The following DOK6 variants were observed in gnomAD, a reference collection of about 807,000 sequenced individuals.
DOK6 encodes downstream of tyrosine kinase 6.
In DOK6, 22 loss-of-function variants were observed where a neutral mutation model predicts 44.0. The ratio of observed to expected loss-of-function variants is 0.50; its 90% CI spans 0.36 to 0.71. DOK6 has a LOEUF of 0.71. DOK6 is among the 30% of genes least tolerant of loss of function. The pLI is 0.00. For missense variants in DOK6, 340 were observed against 416.4 expected (o/e 0.82, Z 1.60); for synonymous variants, 166 against 145.5 (o/e 1.14, Z -1.01).
intron 7 of DOK6, among the ~76,000 whole-genome samples, chr18:69,818,385 AT>A (rs1242780382): frequency 2.0e-5 from 3 of 152,180 alleles, no homozygotes; most frequent in Non-Finnish European, 4.4e-5. Flanking sequence ...TGGAAGATAA[AT>A]ATTAAGAGGC....
chr18:69,815,014 C>T (rs1373514083), intron 7 of DOK6, among the ~76,000 whole-genome samples: 1 of 152,098 alleles, frequency 6.6e-6, no homozygotes, highest in Admixed American at 6.6e-5. Context: ...GTGATCAAAC[C>T]TGACACCCAT....
At chr18:69,753,408 G>A (rs1038256135) in intron 6 of DOK6, among the ~76,000 whole-genome samples, 9 of 152,070 alleles carry the variant, frequency 5.9e-5, no homozygotes, top group Non-Finnish European at 1.3e-4. Flanking sequence ...CAGCACTTAG[G>A]GGCTAAATTA....
At chr18:69,673,040 A>G (rs1985842278) in intron 3 of DOK6, among the ~76,000 whole-genome samples, 1 of 152,196 alleles carries the variant, frequency 6.6e-6, no homozygotes, top group African/African-American at 2.4e-5. Flanking sequence ...AAGACAAAAC[A>G]GGATTATTTT....
At chr18:69,707,984 C>T (rs1294129390) in intron 5 of DOK6, among the ~76,000 whole-genome samples, 1 of 152,164 alleles carries the variant, frequency 6.6e-6, no homozygotes, top group Non-Finnish European at 1.5e-5. Flanking sequence ...CCACGACGCA[C>T]AGCACAGGCA....
intron 7 of DOK6, among the ~76,000 whole-genome samples, chr18:69,764,791 C>T (rs1472259032): frequency 6.6e-6 from 1 of 152,094 alleles, no homozygotes; most frequent in Non-Finnish European, 1.5e-5. Context: ...TGAACAACTA[C>T]ACTCTTTGAA....
chr18:69,666,392 A>G (rs1007050848), intron 3 of DOK6, among the ~76,000 whole-genome samples: 1 of 152,138 alleles, frequency 6.6e-6, no homozygotes, highest in Admixed American at 6.5e-5. Context: ...ACAGTGACAC[A>G]TAGCATCACC....
intron 7 of DOK6, among the ~76,000 whole-genome samples, chr18:69,786,777 TTTGCAGACATTTTG>T (rs1306289283): frequency 6.6e-6 from 1 of 152,220 alleles, no homozygotes; most frequent in Non-Finnish European, 1.5e-5. Context: ...ACTTTGACAT[TTTGCAGACATTTTG>T]TTATATAAAA....
At chr18:69,668,589 C>T (rs545908597) in intron 3 of DOK6, among the ~76,000 whole-genome samples, 5 of 152,066 alleles carry the variant, frequency 3.3e-5, no homozygotes, top group Admixed American at 3.3e-4. Flanking sequence ...AGTTTATTTT[C>T]CTTAATTTAT....
chr18:69,471,250 C>CAAAAAAA (rs71176969), intron 1 of DOK6, among the ~76,000 whole-genome samples: 4 of 27,776 alleles, frequency 1.4e-4, no homozygotes, highest in African/African-American at 3.4e-4. Context: ...AACTCCATCT[C>CAAAAAAA]AAAAAAAAAA....
chr18:69,617,684 A>T (rs981885570), intron 3 of DOK6, among the ~76,000 whole-genome samples: 2 of 142,106 alleles, frequency 1.4e-5, no homozygotes, highest in Non-Finnish European at 3.2e-5. Context: ...GAAGAAAAAG[A>T]AAGAAAGAAA....
intron 3 of DOK6, among the ~76,000 whole-genome samples, chr18:69,628,998 C>A (rs1268821039): frequency 6.6e-6 from 1 of 152,194 alleles, no homozygotes; most frequent in Non-Finnish European, 1.5e-5. Context: ...ACAGAGAGCA[C>A]CTAGCTCCTG....
At chr18:69,537,627 C>T (rs542531379) in intron 1 of DOK6, among the ~76,000 whole-genome samples, 22 of 152,242 alleles carry the variant, frequency 1.4e-4, no homozygotes, top group African/African-American at 5.3e-4. Context: ...TGGATTATTC[C>T]TTTGTTTCTA....
rs1982294761 is a variant in DOK6 at position 69,844,062 on chromosome 18, A to G, written c.*2679A>G. The G allele has an allele frequency of 6.6e-6, 1 of 152,194 alleles. No individual in the cohort carries two copies. Among genetic ancestry groups the G allele is most frequent in the South Asian group, 2.1e-4 (1 of 4,834 alleles). The allele number at this position is 152,194 out of a possible 1,614,324, so 9.4% of individuals were successfully genotyped here. On this transcript the variant is annotated 3_prime_UTR_variant, in exon 8 of 8. Transcript: ENST00000382713. ...CACCAGTCTCCTGGAACTTCATAAA[A>G]TCAATTTCACTGGAGCAACCAGAAG... is the stretch of plus-strand genomic sequence containing the variant.
At chr18:69,633,230 T>C (rs1388762714) in intron 3 of DOK6, among the ~76,000 whole-genome samples, 1 of 152,230 alleles carries the variant, frequency 6.6e-6, no homozygotes, top group African/African-American at 2.4e-5. Context: ...AAGACTTGAA[T>C]TAATTTATTT....
At chr18:69,754,580 A>G (rs1295689809) in intron 6 of DOK6, among the ~76,000 whole-genome samples, 2 of 152,112 alleles carry the variant, frequency 1.3e-5, no homozygotes, top group Non-Finnish European at 2.9e-5. Context: ...AAACAACAGA[A>G]ATTTATTTTC....
chr18:69,842,902 TTTC>T lies in DOK6; in HGVS notation c.*1522_*1524del, dbSNP rs1982263592. ...GCAAGATGAAAACCCAGGTTTTTTT[TTTC>T]TTAATAGGAAAATTTTTTAAACTAT... On this transcript the variant is annotated 3_prime_UTR_variant, in exon 8 of 8. Transcript: ENST00000382713. The T allele has an allele frequency of 6.6e-6, 1 of 152,206 alleles. No individual in the cohort carries two copies. The highest frequency in any genetic ancestry group is 2.4e-5 in the African/African-American group (1 of 41,444). The allele number at this position is 152,206 out of a possible 1,614,324, so 9.4% of individuals were successfully genotyped here.
intron 1 of DOK6, among the ~76,000 whole-genome samples, chr18:69,512,075 C>T (rs1418444199): frequency 6.6e-6 from 1 of 150,904 alleles, no homozygotes; most frequent in Non-Finnish European, 1.5e-5. Flanking sequence ...TCATCATCGC[C>T]CCATCCCCCC....
rs114968530 is a variant in DOK6, at chr18:69,707,835, G to A, written c.599+9242G>A. On this transcript the variant is annotated intron_variant, in intron 5 of 7. Transcript: ENST00000382713. Reference sequence around the variant, plus strand: ...GGAGAACAGTCCTATCTAGGCAAACGGGCACCAAGTTTAATTGTAGGGACT... The same window carrying A: ...GGAGAACAGTCCTATCTAGGCAAACAGGCACCAAGTTTAATTGTAGGGACT... Among the ~76,000 whole-genome samples, 563 of 152,200 alleles carry A rather than the reference G, an allele frequency of 3.7e-3. 6 individuals carry two copies. The highest frequency in any genetic ancestry group is 0.013 in the African/African-American group (543 of 41,534).
chr18:69,476,806 T>C (rs1438648352), intron 1 of DOK6, among the ~76,000 whole-genome samples: 1 of 152,180 alleles, frequency 6.6e-6, no homozygotes, highest in African/African-American at 2.4e-5. Context: ...TTGCTGGAAC[T>C]TTCCTTTCTC....
Sources: gnomAD v4.1 joint callset for allele counts (sites outside exome capture counted in the v4.1 genomes callset) on GRCh38, gnomAD v4.1.1 for gene constraint, MANE v1.5 for transcripts, NCBI Gene and HGNC (gene_info 2026-07-23, HGNC 2026-07-21) for gene names.